Variants in PRDM5 observed in about 807,000 individuals in gnomAD.
PRDM5 encodes PR/SET domain 5.
A neutral mutation model predicts 81.2 loss-of-function variants in PRDM5; 56 were observed. The ratio of observed to expected loss-of-function variants is 0.69; its 90% confidence interval spans 0.56 to 0.86. PRDM5 has a LOEUF of 0.86. PRDM5 is among the 40% of genes least tolerant of loss of function. The pLI, the probability that PRDM5 is intolerant of heterozygous loss-of-function variation, is 0.00. For synonymous variants in PRDM5, 267 were observed against 256.4 expected (o/e 1.04, Z -0.39); for missense variants, 697 against 770.1 (o/e 0.91, Z 1.12).
intron 2 of PRDM5, among the ~76,000 whole-genome samples, chr4:120,898,188 C>T (rs1215650711): frequency 1.3e-5 from 2 of 152,140 alleles, no homozygotes; most frequent in African/African-American, 2.4e-5. Flanking sequence ...TTTCAGTGTA[C>T]TATATTCCTA....
At chr4:120,767,987 A>G (rs531274044) in intron 13 of PRDM5, among the ~76,000 whole-genome samples, 1 of 152,284 alleles carries the variant, frequency 6.6e-6, no homozygotes, top group East Asian at 1.9e-4. Flanking sequence ...CTCCCCAACC[A>G]TGTGGAACTG....
At chr4:120,898,671 T>C (rs1561656085) in intron 2 of PRDM5, among the ~76,000 whole-genome samples, 1 of 152,212 alleles carries the variant, frequency 6.6e-6, no homozygotes, top group Non-Finnish European at 1.5e-5. Flanking sequence ...ACCTGTCTTT[T>C]GGAGTTGTTA....
At chr4:120,708,695 A>G (rs1015735709) in intron 15 of PRDM5, among the ~76,000 whole-genome samples, 2 of 152,144 alleles carry the variant, frequency 1.3e-5, no homozygotes, top group Admixed American at 1.3e-4. Context: ...GGTAGAGAAC[A>G]CACACACTGG....
intron 2 of PRDM5, among the ~76,000 whole-genome samples, chr4:120,856,346 T>C (rs948817797): frequency 6.6e-6 from 1 of 152,242 alleles, no homozygotes; most frequent in Non-Finnish European, 1.5e-5. Context: ...TACATATTCA[T>C]ATTTGAAATA....
chr4:120,704,665 A>T (rs1199133656), intron 15 of PRDM5, among the ~76,000 whole-genome samples: 4 of 152,212 alleles, frequency 2.6e-5, no homozygotes, highest in Admixed American at 6.5e-5. Context: ...CCACGTTCTA[A>T]GTGGAAACAT....
At chr4:120,791,697 C>T (rs1196944437) in intron 10 of PRDM5, among the ~76,000 whole-genome samples, 1 of 152,186 alleles carries the variant, frequency 6.6e-6, no homozygotes, top group Admixed American at 6.5e-5. Flanking sequence ...CCAACCACCA[C>T]CAACTCTCAC....
chr4:120,841,898 A>G (rs1758075564), intron 3 of PRDM5, among the ~76,000 whole-genome samples: 1 of 152,230 alleles, frequency 6.6e-6, no homozygotes, highest in Non-Finnish European at 1.5e-5. Flanking sequence ...TTGTAATGAT[A>G]TAGCCCAGTT....
At chr4:120,839,645 C>T (rs145242409) in intron 3 of PRDM5, among the ~76,000 whole-genome samples, 163 of 152,324 alleles carry the variant, frequency 1.1e-3, no homozygotes, top group Non-Finnish European at 2.0e-3. Flanking sequence ...TCTGGTCGAC[C>T]GGACTGTCAG....
At chr4:120,890,129 G>T (rs535014228) in intron 2 of PRDM5, among the ~76,000 whole-genome samples, 1 of 152,182 alleles carries the variant, frequency 6.6e-6, no homozygotes, top group East Asian at 1.9e-4. Flanking sequence ...TTGGCTCATG[G>T]TTCCACAGGC....
chr4:120,879,555 ATT>A (rs1762637787), intron 2 of PRDM5, among the ~76,000 whole-genome samples: 2 of 152,036 alleles, frequency 1.3e-5, no homozygotes, highest in Admixed American at 1.3e-4. Context: ...TACAAAATAT[ATT>A]TTCTCTTTCT....
In PRDM5 at chr4:120,821,161, G is replaced by A. The variant is rs758211680; in HGVS notation, c.475+10C>T. ...TTCTTCTCCCAGATCACCAATTAAA[G>A]ATGCAATACCTTTTCTGCCCGCTGT... On this transcript the variant is annotated intron_variant, in intron 4 of 15. Transcript: ENST00000264808. 2 of 1,613,084 alleles carry A rather than the reference G, an allele frequency of 1.2e-6. No individual in the cohort carries two copies. Among genetic ancestry groups the A allele is most frequent in the Admixed American group, 3.3e-5 (2 of 59,990 alleles).
rs1736068886 is a variant in PRDM5, at chr4:120,706,078, C to A, written c.1728+4231G>T. 2.0e-5 allele frequency among the ~76,000 whole-genome samples: 3 copies of A among 149,286 alleles called. No individual in the cohort carries two copies. In the East Asian group the frequency reaches 5.9e-4, roughly 29 times the overall value. On this transcript the variant is annotated intron_variant, in intron 15 of 15. Transcript: ENST00000264808. ...TGCTCAGAAAGATCTGGGTTTTGAT[C>A]CTAGATCTTTTTTTTTTTTTTTTTC... is the stretch of plus-strand genomic sequence containing the variant.
At chr4:120,779,675 G>T (rs1748723099) in intron 12 of PRDM5, among the ~76,000 whole-genome samples, 2 of 152,218 alleles carry the variant, frequency 1.3e-5, no homozygotes, top group East Asian at 3.9e-4. Context: ...CCCAAGGCGG[G>T]CACATCATTT....
intron 1 of PRDM5, among the ~76,000 whole-genome samples, chr4:120,686,211 T>C (rs1319851427): frequency 1.4e-5 from 2 of 146,424 alleles, no homozygotes; most frequent in Non-Finnish European, 3.1e-5. Flanking sequence ...TAAACATTTG[T>C]TTCTTTATAG....
chr4:120,784,393 CA>C (rs1448446199), intron 11 of PRDM5, among the ~76,000 whole-genome samples: 4 of 151,854 alleles, frequency 2.6e-5, no homozygotes, highest in Admixed American at 6.6e-5. Context: ...AAAATTAATC[CA>C]AAAGAAAAAA....
At chr4:120,805,911 T>G (rs1752844843) in intron 8 of PRDM5, among the ~76,000 whole-genome samples, 2 of 152,172 alleles carry the variant, frequency 1.3e-5, no homozygotes, top group South Asian at 4.1e-4. Flanking sequence ...GAAGTCAAAT[T>G]GTCCGTTTGC....
At chr4:120,839,325 G>A (rs933314902) in intron 3 of PRDM5, 19 of 702,594 alleles carry the variant, frequency 2.7e-5, no homozygotes, top group South Asian at 1.6e-4. Context: ...TAAGCAAGAT[G>A]AAGAGGAACT....
Position 120,730,892 on chromosome 4 carries a change from C to T in PRDM5, c.1624-20479G>A, listed in dbSNP as rs145551850. Among the ~76,000 whole-genome samples the T allele has an allele frequency of 4.2e-3, 646 of 152,232 alleles. 1 individual carries two copies. The highest frequency in any genetic ancestry group is 7.2e-3 in the Non-Finnish European group (488 of 68,024). On this transcript the variant is annotated intron_variant, in intron 14 of 15. Transcript: ENST00000264808. ...AGTTTAGTAGACATTCCTGAAACAA[C>T]TCTACTGTATTATTGTTACAAATGG... is the stretch of plus-strand genomic sequence containing the variant.
At chr4:120,861,082 A>G (rs1760515912) in intron 2 of PRDM5, among the ~76,000 whole-genome samples, 1 of 152,202 alleles carries the variant, frequency 6.6e-6, no homozygotes, top group Admixed American at 6.5e-5. Flanking sequence ...ATCTTGGCTC[A>G]GTGCAACCTG....
Sources: allele counts gnomAD v4.1 joint callset (sites outside exome capture counted in the v4.1 genomes callset), GRCh38; gene constraint gnomAD v4.1.1; transcripts MANE v1.5; gene names NCBI Gene and HGNC (gene_info 2026-07-23, HGNC 2026-07-21).